Variants in CRY1 observed in about 807,000 individuals in gnomAD.
The protein encoded by CRY1 is cryptochrome-1.
In CRY1, 45 loss-of-function variants were observed where a neutral mutation model predicts 76.0. The observed-to-expected ratio is 0.59, with a 90% CI of 0.47 to 0.76. The LOEUF (loss-of-function observed/expected upper bound fraction) is 0.76, where lower values mean the gene tolerates loss of function less well. CRY1 is among the 30% of genes least tolerant of loss of function. The pLI, the probability that CRY1 is intolerant of heterozygous loss-of-function variation, is 0.00. For synonymous variants in CRY1, 248 were observed against 244.0 expected, an observed-to-expected ratio of 1.02 and a Z score of -0.15; for missense variants, 587 against 716.4, an observed-to-expected ratio of 0.82 and a Z score of 2.06.
intron 1 of CRY1, among the ~76,000 whole-genome samples, chr12:107,025,454 C>T (rs1182998877): frequency 1.3e-5 from 2 of 152,132 alleles, no homozygotes; most frequent in Non-Finnish European, 2.9e-5. Context: ...CTAGTCTCCT[C>T]ATCTGTAAAA....
intron 1 of CRY1, among the ~76,000 whole-genome samples, chr12:107,063,166 A>G: frequency 6.6e-6 from 1 of 152,230 alleles, no homozygotes; most frequent in Non-Finnish European, 1.5e-5. Flanking sequence ...TATTCTAAGC[A>G]AGAAATGCAG....
chr12:107,093,023 C>T lies in CRY1; in HGVS notation c.-62G>A, dbSNP rs941367479. 31 of 1,443,234 alleles carry T rather than the reference C, an allele frequency of 2.1e-5. No individual in the cohort carries two copies. Among genetic ancestry groups the T allele is most frequent in the Middle Eastern group, 5.1e-4 (2 of 3,902 alleles). 89.4% of individuals were successfully genotyped at this position (1,443,234 alleles called of 1,614,324 possible). A position where few individuals can be genotyped will look rare whatever the true frequency, so the allele number is the denominator to read the frequency against. ...AAGGAAGGAGGCTCCGGCTCATAGC[C>T]GACACCTTCGCTTCCAAGAGAATTG... On this transcript the variant is annotated 5_prime_UTR_variant, in exon 1 of 13. Transcript: ENST00000008527.
chr12:107,019,758 A>G (rs1163835173), intron 2 of CRY1, among the ~76,000 whole-genome samples: 1 of 152,084 alleles, frequency 6.6e-6, no homozygotes, highest in Non-Finnish European at 1.5e-5. Context: ...CAAGACTACC[A>G]AACAAAAAAA....
At position 107,038,781 on chromosome 12, in the gene CRY1, T is replaced by C. The variant is rs1449874808; in HGVS notation, c.159-16589A>G. 1.8e-4 allele frequency among the ~76,000 whole-genome samples: 28 copies of C among 152,176 alleles called. 1 individual carries two copies. The highest frequency in any genetic ancestry group is 1.6e-3 in the Admixed American group (24 of 15,272). The stretch of plus-strand genomic sequence containing the variant: ...AAACTAGTTGAGAAGCTCCTGCACA[T>C]TGGGAGAATGTGAAACTAGCCACAC... On this transcript the variant is annotated intron_variant, in intron 1 of 12. Coordinates refer to ENST00000008527, the MANE Select transcript of CRY1 (RefSeq NM_004075.5).
At chr12:107,033,775 T>C (rs1298159615) in intron 1 of CRY1, among the ~76,000 whole-genome samples, 2 of 150,706 alleles carry the variant, frequency 1.3e-5, no homozygotes, top group South Asian at 2.1e-4. Flanking sequence ...AAACAGCATA[T>C]GTAATAGTGA....
At position 107,047,891 on chromosome 12, in the gene CRY1, G is replaced by A. The variant is rs544846439; in HGVS notation, c.159-25699C>T. Among the ~76,000 whole-genome samples the A allele has an allele frequency of 5.2e-4, 79 of 151,876 alleles. No homozygotes were observed. The South Asian group carries it at 8.5e-3, about 16-fold the overall frequency. Reference sequence around the variant, plus strand: ...AAACAAAGCAAACCCAAAATTCATAGAGAAAAAAACCAATCAAGGTTGGTG... The same window carrying A: ...AAACAAAGCAAACCCAAAATTCATAAAGAAAAAAACCAATCAAGGTTGGTG... On this transcript the variant is annotated intron_variant, in intron 1 of 12. Coordinates refer to ENST00000008527, the MANE Select transcript of CRY1 (RefSeq NM_004075.5).
chr12:107,024,285 G>C (rs1466533263), intron 1 of CRY1, among the ~76,000 whole-genome samples: 1 of 152,044 alleles, frequency 6.6e-6, no homozygotes, highest in Non-Finnish European at 1.5e-5. Context: ...CAGTAAGATG[G>C]GATAAGAAAC....
chr12:107,071,245 G>A (rs1272718954), intron 1 of CRY1, among the ~76,000 whole-genome samples: 1 of 152,038 alleles, frequency 6.6e-6, no homozygotes, highest in Non-Finnish European at 1.5e-5. Context: ...GCTGACTTTT[G>A]AGCTGATTTG....
intron 2 of CRY1, among the ~76,000 whole-genome samples, chr12:107,012,540 G>A (rs1248407708): frequency 6.6e-6 from 1 of 152,210 alleles, no homozygotes; most frequent in Non-Finnish European, 1.5e-5. Context: ...TTATTAGGGA[G>A]ATTAACATTG....
chr12:107,051,735 T>C (rs1047281558), intron 1 of CRY1, among the ~76,000 whole-genome samples: 7 of 152,144 alleles, frequency 4.6e-5, no homozygotes, highest in Non-Finnish European at 7.4e-5. Context: ...TAGAGTTGAA[T>C]TACACTAGCA....
intron 1 of CRY1, among the ~76,000 whole-genome samples, chr12:107,057,341 A>G (rs1176698156): frequency 6.6e-6 from 1 of 152,212 alleles, no homozygotes; most frequent in African/African-American, 2.4e-5. Flanking sequence ...ATAATCAGCA[A>G]ATAATGGGTT....
intron 1 of CRY1, among the ~76,000 whole-genome samples, chr12:107,036,585 G>GTT (rs61321189): frequency 1.4e-5 from 2 of 139,044 alleles, no homozygotes; most frequent in South Asian, 2.3e-4. Flanking sequence ...AAAGTTGGTG[G>GTT]TTTTTTTTTT....
At chr12:107,025,503 T>C (rs1203105277) in intron 1 of CRY1, among the ~76,000 whole-genome samples, 1 of 152,156 alleles carries the variant, frequency 6.6e-6, no homozygotes, top group Non-Finnish European at 1.5e-5. Context: ...GCATTGTTCG[T>C]GAGATTAAAT....
At chr12:107,016,014 AATATAAAG>A (rs1327546482) in intron 2 of CRY1, among the ~76,000 whole-genome samples, 1 of 152,224 alleles carries the variant, frequency 6.6e-6, no homozygotes, top group Non-Finnish European at 1.5e-5. Context: ...CAACTAAATG[AATATAAAG>A]TTCTTGGCTG....
At chr12:106,995,316 T>C (rs1669418577) in intron 10 of CRY1, among the ~76,000 whole-genome samples, 1 of 152,230 alleles carries the variant, frequency 6.6e-6, no homozygotes, top group Admixed American at 6.5e-5. Flanking sequence ...GAGGATAAAA[T>C]ACATGCTGTT....
rs572351895 is a variant in CRY1 at position 107,043,462 on chromosome 12, C to G, written c.159-21270G>C. Among the ~76,000 whole-genome samples, 5 of 152,268 alleles carry G rather than the reference C, an allele frequency of 3.3e-5. 1 individual carries two copies. The South Asian group carries it at 1.0e-3, about 32-fold the overall frequency. ...ATAATCACACTCTACCAAGCTTGAGCTGAAGCAGCATTATCACCCTCTGGG... is the reference window on the plus strand; with the variant it reads ...ATAATCACACTCTACCAAGCTTGAGGTGAAGCAGCATTATCACCCTCTGGG... On this transcript the variant is annotated intron_variant, in intron 1 of 12. Transcript: ENST00000008527.
intron 10 of CRY1, among the ~76,000 whole-genome samples, chr12:106,995,019 T>C (rs187287323): frequency 7.9e-5 from 12 of 152,368 alleles, no homozygotes; most frequent in African/African-American, 2.9e-4. Context: ...TAAACACTTA[T>C]GGCATTCCAT....
At chr12:107,076,884 A>G (rs1953260978) in intron 1 of CRY1, among the ~76,000 whole-genome samples, 1 of 151,360 alleles carries the variant, frequency 6.6e-6, no homozygotes, top group African/African-American at 2.4e-5. Flanking sequence ...CCTCCCCCCG[A>G]CTCTCTTGCT....
chr12:107,041,639 T>A (rs1952800981), intron 1 of CRY1, among the ~76,000 whole-genome samples: 1 of 152,170 alleles, frequency 6.6e-6, no homozygotes, highest in Non-Finnish European at 1.5e-5. Flanking sequence ...ACTTCTAGGC[T>A]TTACAGGATT....
Sources: gnomAD v4.1 joint callset for allele counts (sites outside exome capture counted in the v4.1 genomes callset) on GRCh38, gnomAD v4.1.1 for gene constraint, MANE v1.5 for transcripts, NCBI Gene and HGNC (gene_info 2026-07-23, HGNC 2026-07-21) for gene names.